The following ADGRG4 variants were observed in gnomAD, a reference collection of about 807,000 sequenced individuals.
The protein encoded by ADGRG4 is G protein-coupled receptor 112.
In ADGRG4, 122 loss-of-function variants were observed where a neutral mutation model predicts 126.2. The observed-to-expected ratio is 0.97, with a 90% CI of 0.83 to 1.12. The LOEUF (loss-of-function observed/expected upper bound fraction) is 1.12. ADGRG4 is among the 50% of genes most tolerant of loss of function. The pLI, the probability that ADGRG4 is intolerant of heterozygous loss-of-function variation, is 0.00. For missense variants in ADGRG4, 2,481 were observed against 2,251.8 expected, an observed-to-expected ratio of 1.10 and a Z score of -2.06; for synonymous variants, 943 against 838.7, an observed-to-expected ratio of 1.12 and a Z score of -2.15.
At chrX:136,309,042 T>C (rs1431710667) in intron 4 of ADGRG4, among the ~76,000 whole-genome samples, 195 bp downstream of exon 4, 1 of 112,701 alleles carries the variant, frequency 8.9e-6, no homozygotes, top group Non-Finnish European at 1.9e-5. Flanking sequence ...GTACTACTGA[T>C]AGAGAGCTGG....
rs905547681 is a variant in ADGRG4, at chrX:136,350,032, C to T, written c.6326C>T (p.Ser2109Phe). The T allele has an allele frequency of 1.7e-6, 2 of 1,211,061 alleles. No homozygotes were observed. The highest frequency in any genetic ancestry group is 4.4e-5 in the Admixed American group (2 of 45,952). The change falls in exon 6 of 26, where the codon TCC becomes TTC. Residue 2109 changes from serine (S) to phenylalanine (F), a missense_variant. Ser to Phe is a radical substitution (Grantham distance 155). Transcript: ENST00000394143. ...VYISTHPEAS[S>F]RTTITANPRT... Reference sequence around the variant, plus strand: ...ATTTCCACACACCCTGAGGCATCCTCCAGAACCACAATAACTGCCAACCCC... The same window carrying T: ...ATTTCCACACACCCTGAGGCATCCTTCAGAACCACAATAACTGCCAACCCC...
chrX:136,373,091 C>A, intron 15 of ADGRG4, 27 bp downstream of exon 15: 1 of 1,151,585 alleles, frequency 8.7e-7, no homozygotes, highest in East Asian at 3.0e-5. Flanking sequence ...GAACTGAGAG[C>A]CAATCAGCCA....
Position 136,320,012 on chromosome X carries a change from T to C in ADGRG4, c.71-2766T>C, listed in dbSNP as rs1266245664. ...CACTTTTTTCTGTGGGCATACTACC[T>C]GCATATTTTTCTTTTAGTTTTTAAT... On this transcript the variant is annotated intron_variant, in intron 4 of 25. Coordinates refer to ENST00000394143, the MANE Select transcript of ADGRG4 (RefSeq NM_153834.4). Among the ~76,000 whole-genome samples, 2 of 111,996 alleles carry C rather than the reference T, an allele frequency of 1.8e-5. 1 individual carries two copies. Among genetic ancestry groups the C allele is most frequent in the East Asian group, 5.6e-4 (2 of 3,584 alleles).
At chrX:136,416,234 T>C (rs1878963447) in intron 25 of ADGRG4, among the ~76,000 whole-genome samples, 1 of 111,991 alleles carries the variant, frequency 8.9e-6, no homozygotes, top group Admixed American at 9.5e-5. Flanking sequence ...TTATTCACAA[T>C]GTAGGAAGAA....
At chrX:136,406,115 C>T in intron 23 of ADGRG4, 143 bp downstream of exon 23, 1 of 642,017 alleles carries the variant, frequency 1.6e-6, no homozygotes, top group Non-Finnish European at 2.3e-6. Context: ...CTCTCTTGCT[C>T]AGTGGTATAG....
chrX:136,404,355 G>A (rs2075394263), intron 22 of ADGRG4, among the ~76,000 whole-genome samples: 1 of 111,089 alleles, frequency 9.0e-6, no homozygotes, highest in African/African-American at 3.3e-5. Context: ...AGCAAAATCA[G>A]AACAAAATCA....
At chrX:136,404,045 CTCTT>C (rs1173289209) in intron 22 of ADGRG4, among the ~76,000 whole-genome samples, 2 of 111,112 alleles carry the variant, frequency 1.8e-5, no homozygotes, top group African/African-American at 6.5e-5. Context: ...CTCTCAAGTT[CTCTT>C]CCACTATAGA....
chrX:136,309,716 T>G (rs1419262119), intron 4 of ADGRG4, among the ~76,000 whole-genome samples: 2 of 111,532 alleles, frequency 1.8e-5, no homozygotes, highest in Non-Finnish European at 3.8e-5. Flanking sequence ...ATAATAGAGA[T>G]TGAAATGGGG....
In ADGRG4 at chrX:136,397,938, T is replaced by C. The variant is rs372561579; in HGVS notation, c.8242T>C (p.Tyr2748His). The C allele has an allele frequency of 8.4e-7, 1 of 1,195,419 alleles. No individual in the cohort carries two copies. Among genetic ancestry groups the C allele is most frequent in the African/African-American group, 1.8e-5 (1 of 56,970 alleles). Residue 2748 changes from tyrosine (Y) to histidine (H), a missense_variant, in exon 20 of 26, where the codon TAC (tyrosine) becomes CAC (histidine). Tyr to His is a moderately conservative substitution (Grantham distance 83). Transcript: ENST00000394143. Reference sequence around the variant, plus strand: ...TGAACAGATATTAGCGCTTATAACATACACCGGATGTGGAATCTCCTCCAT... The same window carrying C: ...TGAACAGATATTAGCGCTTATAACACACACCGGATGTGGAATCTCCTCCAT... ...VNEQILALITYTGCGISSIFL... is the reference protein window; with the variant it reads ...VNEQILALITHTGCGISSIFL...
intron 15 of ADGRG4, among the ~76,000 whole-genome samples, chrX:136,380,397 C>T (rs938994684): frequency 1.8e-5 from 2 of 110,529 alleles, no homozygotes; most frequent in East Asian, 2.8e-4. Flanking sequence ...TTTAAACAAC[C>T]TTTGGCCTTG....
chrX:136,333,306 T>G (rs1182271490), intron 5 of ADGRG4, among the ~76,000 whole-genome samples: 1 of 111,314 alleles, frequency 9.0e-6, no homozygotes, highest in Non-Finnish European at 1.9e-5. Context: ...TTTTTTTTAG[T>G]AGAGACGGGG....
chrX:136,370,714 GT>G (rs1255489443), intron 13 of ADGRG4, among the ~76,000 whole-genome samples: 1 of 111,786 alleles, frequency 8.9e-6, no homozygotes, highest in Non-Finnish European at 1.9e-5. Context: ...ACTTGTTGAA[GT>G]TGGGTTATTC....
At chrX:136,333,072 A>T in intron 5 of ADGRG4, among the ~76,000 whole-genome samples, 1 of 111,560 alleles carries the variant, frequency 9.0e-6, no homozygotes, top group East Asian at 2.8e-4. Flanking sequence ...AGACCTGAGA[A>T]AAACAAGCAA....
chrX:136,310,264 C>T (rs1454166679), intron 4 of ADGRG4, among the ~76,000 whole-genome samples: 3 of 110,452 alleles, frequency 2.7e-5, no homozygotes, highest in Non-Finnish European at 5.7e-5. Context: ...TCTCCTGCCT[C>T]AGCCTCCTGA....
chrX:136,309,067 T>C (rs1480301515), intron 4 of ADGRG4, among the ~76,000 whole-genome samples: 2 of 112,614 alleles, frequency 1.8e-5, no homozygotes, highest in Non-Finnish European at 3.7e-5. Context: ...AAGAAGGCAG[T>C]AGCTTGGACT....
intron 5 of ADGRG4, among the ~76,000 whole-genome samples, chrX:136,334,161 G>C (rs1225490813): frequency 1.1e-5 from 1 of 89,054 alleles, no homozygotes; most frequent in South Asian, 5.1e-4. Flanking sequence ...TCTTTTTTTT[G>C]GTCTATTGAT....
chrX:136,312,842 A>T (rs1299177008), intron 4 of ADGRG4, among the ~76,000 whole-genome samples: 1 of 111,256 alleles, frequency 9.0e-6, no homozygotes, highest in Non-Finnish European at 1.9e-5. Flanking sequence ...CTTGACAATC[A>T]GTAATCTGTT....
At chrX:136,412,244 G>C (rs770431781) in intron 23 of ADGRG4, 21 bp from the exon 24 acceptor site, 4 of 1,097,418 alleles carry the variant, frequency 3.6e-6, no homozygotes, top group Non-Finnish European at 5.1e-6. Context: ...AAAAAAGACT[G>C]ACCTTCTTCT....
chrX:136,363,415 T>G, intron 12 of ADGRG4, 62 bp from the exon 13 acceptor site: 3 of 775,441 alleles, frequency 3.9e-6, no homozygotes, highest in Non-Finnish European at 6.0e-6. Flanking sequence ...ATATCCACCA[T>G]TTGCTTTAAG....
Sources: gnomAD v4.1 joint callset for allele counts (sites outside exome capture counted in the v4.1 genomes callset) on GRCh38, gnomAD v4.1.1 for gene constraint, MANE v1.5 for transcripts, NCBI Gene and HGNC (gene_info 2026-07-23, HGNC 2026-07-21) for gene names.